LRRC74A: variants seen among roughly 807,000 people sequenced by gnomAD.
LRRC74A encodes leucine-rich repeat-containing protein 74A.
A neutral mutation model predicts 57.9 loss-of-function variants in LRRC74A; 44 were observed. The observed-to-expected ratio is 0.76, with a 90% CI of 0.60 to 0.98. The LOEUF (loss-of-function observed/expected upper bound fraction) is 0.98, where lower values mean the gene tolerates loss of function less well. Among genes scored for constraint, LRRC74A ranks in the 50% least tolerant of loss-of-function variants. LRRC74A has a pLI of 0.00. For missense variants in LRRC74A, 572 were observed against 574.0 expected, an observed-to-expected ratio of 1.00 and a Z score of 0.04; for synonymous variants, 211 against 219.4, an observed-to-expected ratio of 0.96 and a Z score of 0.34.
intron 7 of LRRC74A, among the ~76,000 whole-genome samples, chr14:76,845,710 C>T (rs1176621650): frequency 6.6e-6 from 1 of 152,164 alleles, no homozygotes; most frequent in South Asian, 2.1e-4. Context: ...AGACACACAA[C>T]CATGAACAAC....
intron 5 of LRRC74A, among the ~76,000 whole-genome samples, chr14:76,839,101 G>A (rs76970624): frequency 0.056 from 8,504 of 152,294 alleles, 364 homozygotes; most frequent in Middle Eastern, 0.18. Flanking sequence ...TGGGAGAAAG[G>A]AGATTAAAGT....
chr14:76,860,763 T>A lies in LRRC74A; in HGVS notation c.1124T>A (p.Val375Glu), dbSNP rs745642878. Residue 375 changes from valine (V) to glutamate (E), a missense_variant, in exon 11 of 14, where the codon GTG becomes GAG. Physicochemically the swap from Val to Glu is moderately radical, Grantham distance 121. Transcript: ENST00000689127. ...GVYAVHPQLD[V>E]VFKAVQGLSP... Reference sequence around the variant, plus strand: ...TATGCCGTTCACCCGCAGCTGGACGTGGTATTCAAGGCAGTACAAGGCCTC... The same window carrying A: ...TATGCCGTTCACCCGCAGCTGGACGAGGTATTCAAGGCAGTACAAGGCCTC... 9.3e-6 allele frequency: 15 copies of A among 1,611,546 alleles called. No individual in the cohort carries two copies. In the Admixed American group the frequency reaches 2.3e-4, roughly 25 times the overall value.
chr14:76,841,094 T>C (rs1896736861), intron 5 of LRRC74A, among the ~76,000 whole-genome samples: 1 of 152,196 alleles, frequency 6.6e-6, no homozygotes, highest in African/African-American at 2.4e-5. Context: ...CAGGCTGGAG[T>C]GCAGTGGTGC....
At chr14:76,869,572 G>A (rs989190128) in intron 13 of LRRC74A, among the ~76,000 whole-genome samples, 6 of 152,100 alleles carry the variant, frequency 3.9e-5, no homozygotes, top group African/African-American at 1.2e-4. Context: ...CCAAGATGGT[G>A]AAACCCCCAC....
At chr14:76,868,105 A>G (rs2140319014) in intron 13 of LRRC74A, among the ~76,000 whole-genome samples, 1 of 152,338 alleles carries the variant, frequency 6.6e-6, no homozygotes, top group East Asian at 1.9e-4. Flanking sequence ...ACGGTGCCCC[A>G]TGGCAATGCT....
chr14:76,838,872 A>T (rs1449641307), intron 5 of LRRC74A, among the ~76,000 whole-genome samples: 1 of 152,228 alleles, frequency 6.6e-6, no homozygotes, highest in Non-Finnish European at 1.5e-5. Context: ...AAGTGGTGGG[A>T]TTACAGGCAT....
chr14:76,849,835 AC>A (rs1897324528), intron 7 of LRRC74A, among the ~76,000 whole-genome samples: 1 of 151,100 alleles, frequency 6.6e-6, no homozygotes, highest in African/African-American at 2.4e-5. Flanking sequence ...CAAAAAAAAA[AC>A]CCAACACTTA....
intron 5 of LRRC74A, among the ~76,000 whole-genome samples, chr14:76,839,727 A>T (rs1323986127): frequency 6.6e-6 from 1 of 152,170 alleles, no homozygotes; most frequent in Non-Finnish European, 1.5e-5. Flanking sequence ...GCCATTCTTC[A>T]TAAACTATAG....
chr14:76,840,945 T>C (rs1202146504), intron 5 of LRRC74A, among the ~76,000 whole-genome samples: 1 of 152,216 alleles, frequency 6.6e-6, no homozygotes, highest in Non-Finnish European at 1.5e-5. Context: ...ATTAAAATTA[T>C]AATTACTACA....
At chr14:76,842,899 C>A (rs945004232) in intron 5 of LRRC74A, among the ~76,000 whole-genome samples, 7 of 152,120 alleles carry the variant, frequency 4.6e-5, no homozygotes, top group Admixed American at 3.9e-4. Context: ...GCCAAAATAT[C>A]CTGATGTGCA....
Position 76,852,430 on chromosome 14 carries a change from G to A in LRRC74A, c.742G>A (p.Ala248Thr). The change falls in exon 8 of 14, where the codon GCC becomes ACC. Residue 248 changes from alanine to threonine, a missense_variant. Coordinates refer to ENST00000689127, the MANE Select transcript of LRRC74A (RefSeq NM_001385106.1). The stretch of plus-strand genomic sequence containing the variant: ...TAACTTCCACACAAGGGGAGCTGTG[G>A]CCTTGTGCAATGGTCTCCGGGTAAG... The part of the protein sequence containing the change: ...WNNFHTRGAV[A>T]LCNGLRGNVT... 1 of 1,610,114 alleles carries A rather than the reference G, an allele frequency of 6.2e-7. No homozygotes were observed. Among genetic ancestry groups the A allele is most frequent in the Non-Finnish European group, 8.5e-7 (1 of 1,177,506 alleles).
At position 76,826,575 on chromosome 14, in the gene LRRC74A, T is replaced by C. The variant is rs1196696271; in HGVS notation, c.-123T>C. On this transcript the variant is annotated 5_prime_UTR_variant, in exon 1 of 14. An upstream start codon of the reference 5' UTR is lost. Coordinates refer to ENST00000689127, the MANE Select transcript of LRRC74A (RefSeq NM_001385106.1). ...AGGATAACTGCAGGCTCCCCTGGGA[T>C]GCCCCCAGGTGAGGGAAGTTCACAG... The C allele has an allele frequency of 2.5e-6, 4 of 1,612,696 alleles. No homozygotes were observed. The highest frequency in any genetic ancestry group is 3.3e-4 in the Middle Eastern group (2 of 6,084).
rs1334690240 is a variant in LRRC74A at position 76,865,915 on chromosome 14, G to A, written c.1201-53G>A. ...TTTGTGGGAGGGAAGGGGGACCTGC[G>A]ATCGTTGTTACAAGACCAAGTGTTT... On this transcript the variant is annotated intron_variant, in intron 11 of 13. Transcript: ENST00000689127. 1.5e-5 allele frequency: 21 copies of A among 1,360,248 alleles called. No individual in the cohort carries two copies. The Admixed American group carries it at 1.8e-4, about 11-fold the overall frequency. The allele number at this position is 1,360,248 out of a possible 1,614,324, so 84.3% of individuals were successfully genotyped here. A position where few individuals can be genotyped will look rare whatever the true frequency, so the allele number is the denominator to read the frequency against.
At chr14:76,867,270 TGGG>T (rs1309166842) in intron 12 of LRRC74A, 83 bp from the exon 13 acceptor site, 20 of 271,942 alleles carry the variant, frequency 7.4e-5, no homozygotes, top group Non-Finnish European at 1.0e-4. Flanking sequence ...GTGTGTGTGT[TGGG>T]GGGGTAGTGT....
rs546624625 is a variant in LRRC74A at position 76,852,820 on chromosome 14, T to C, written c.762+370T>C. ...TTTTAGTAGAAACGGGGTTGTACCA[T>C]GTTGGCCAGGCTGGTCTCGAACTCC... On this transcript the variant is annotated intron_variant, in intron 8 of 13. Coordinates refer to ENST00000689127, the MANE Select transcript of LRRC74A (RefSeq NM_001385106.1). Among the ~76,000 whole-genome samples, 7 of 152,212 alleles carry C rather than the reference T, an allele frequency of 4.6e-5. No homozygotes were observed. In the South Asian group the frequency reaches 1.5e-3, roughly 32 times the overall value.
chr14:76,864,838 A>G (rs1898649571), intron 11 of LRRC74A, among the ~76,000 whole-genome samples: 1 of 152,242 alleles, frequency 6.6e-6, no homozygotes, highest in Non-Finnish European at 1.5e-5. Flanking sequence ...TAGGCGACAG[A>G]GCGAGACTCT....
At chr14:76,852,237 T>C in intron 7 of LRRC74A, 128 bp from the exon 8 acceptor site, 1 of 626,216 alleles carries the variant, frequency 1.6e-6, no homozygotes, top group Admixed American at 3.3e-5. Flanking sequence ...AAAAAAATTA[T>C]TATCTGAGAA....
At chr14:76,828,144 A>G (rs1469773097) in intron 1 of LRRC74A, 147 bp from the exon 2 acceptor site, 3 of 1,036,218 alleles carry the variant, frequency 2.9e-6, no homozygotes, top group Non-Finnish European at 4.1e-6. Flanking sequence ...AGGTTTGTAG[A>G]GTGGACTTGC....
chr14:76,866,124 G>A (rs1212929937), intron 12 of LRRC74A, 49 bp downstream of exon 12: 2 of 1,346,322 alleles, frequency 1.5e-6, no homozygotes, highest in Non-Finnish European at 1.0e-6. Context: ...GTGAGTGTGA[G>A]TTTGTGTGTC....
Sources: gnomAD v4.1 joint callset for allele counts (sites outside exome capture counted in the v4.1 genomes callset) on GRCh38, gnomAD v4.1.1 for gene constraint, MANE v1.5 for transcripts, NCBI Gene and HGNC (gene_info 2026-07-23, HGNC 2026-07-21) for gene names.